Variants in PDIA4 observed in about 807,000 individuals in gnomAD.
PDIA4 encodes protein disulfide-isomerase A4.
In PDIA4, 33 loss-of-function variants were observed where a neutral mutation model predicts 62.1. The ratio of observed to expected loss-of-function variants is 0.53; its 90% CI spans 0.40 to 0.71. PDIA4 has a LOEUF of 0.71. PDIA4 is among the 30% of genes least tolerant of loss of function. The pLI is 0.00. For missense variants in PDIA4, 804 were observed against 813.6 expected, an observed-to-expected ratio of 0.99 and a Z score of 0.14; for synonymous variants, 341 against 324.1, an observed-to-expected ratio of 1.05 and a Z score of -0.56.
chr7:149,015,492 C>CA (rs34656815), intron 3 of PDIA4, among the ~76,000 whole-genome samples: 18,693 of 104,206 alleles, frequency 0.18, 1,489 homozygotes, highest in Middle Eastern at 0.26. Context: ...AAGATGTATG[C>CA]AAAAAAAAAA....
At chr7:149,007,504 C>T (rs571642261) in intron 7 of PDIA4, among the ~76,000 whole-genome samples, 1 of 152,300 alleles carries the variant, frequency 6.6e-6, no homozygotes, top group South Asian at 2.1e-4. Flanking sequence ...GCTTCAAACT[C>T]GACATCTAAG....
intron 1 of PDIA4, among the ~76,000 whole-genome samples, chr7:149,022,514 C>T (rs191848871): frequency 2.6e-5 from 4 of 152,320 alleles, no homozygotes; most frequent in Non-Finnish European, 4.4e-5. Context: ...GCAAGCACGG[C>T]AATTTCATTA....
At position 149,013,604 on chromosome 7, in the gene PDIA4, T is replaced by C. The variant is rs569571773; in HGVS notation, c.615-1244A>G. On this transcript the variant is annotated intron_variant, in intron 4 of 9. Coordinates refer to ENST00000652332, the MANE Select transcript of PDIA4 (RefSeq NM_004911.5). ...AGGCAGCACAATTGAGCCCAGGAGTTCAAGGCGTAGTGAACTATGATGGTG... is the reference window on the plus strand; with the variant it reads ...AGGCAGCACAATTGAGCCCAGGAGTCCAAGGCGTAGTGAACTATGATGGTG... 9.9e-5 allele frequency among the ~76,000 whole-genome samples: 15 copies of C among 152,116 alleles called. 1 individual carries two copies. The South Asian group carries it at 3.1e-3, about 32-fold the overall frequency.
chr7:149,020,123 C>T lies in PDIA4; in HGVS notation c.269+844G>A, dbSNP rs142778368. Among the ~76,000 whole-genome samples the T allele has an allele frequency of 2.7e-3, 416 of 152,168 alleles. 2 individuals are homozygous for T. The highest frequency in any genetic ancestry group is 9.6e-3 in the African/African-American group (398 of 41,526). On this transcript the variant is annotated intron_variant, in intron 2 of 9. Transcript: ENST00000652332. Reference sequence around the variant, plus strand: ...CTACAGGTGCGTGCCAACCACCATGCCTAATTTTTGTATTTTTAGTAGAGA... The same window carrying T: ...CTACAGGTGCGTGCCAACCACCATGTCTAATTTTTGTATTTTTAGTAGAGA...
In PDIA4 at chr7:149,011,999, C is replaced by T. The variant is rs148084821; in HGVS notation, c.826G>A (p.Val276Ile). 107 of 1,591,338 alleles carry T rather than the reference C, an allele frequency of 6.7e-5. 1 individual carries two copies. Among genetic ancestry groups the T allele is most frequent in the African/African-American group, 1.7e-4 (13 of 74,292 alleles). Reference protein sequence around the residue: ...YNGPREKYGIVDYMIEQSGPP... With the variant: ...YNGPREKYGIIDYMIEQSGPP... Reference sequence around the variant, plus strand: ...CCGGACTGCTCGATCATGTAATCAACGATTCCTGGGAGCAGGGCACACGCC... The same window carrying T: ...CCGGACTGCTCGATCATGTAATCAATGATTCCTGGGAGCAGGGCACACGCC... Residue 276 changes from valine (V) to isoleucine (I), a missense_variant, in exon 6 of 10, where the codon GTT (valine) becomes ATT (isoleucine). Coordinates refer to ENST00000652332, the MANE Select transcript of PDIA4 (RefSeq NM_004911.5).
chr7:149,025,085 A>AATAT (rs869119727), intron 1 of PDIA4, among the ~76,000 whole-genome samples: 5 of 22,356 alleles, frequency 2.2e-4, no homozygotes, highest in East Asian at 5.0e-4. Context: ...AAAAAAAAAA[A>AATAT]ATATATATAT....
In PDIA4 at chr7:149,005,031, A is replaced by C. The variant is rs138854389; in HGVS notation, c.1522+110T>G. 2.1e-4 allele frequency: 164 copies of C among 797,966 alleles called. No individual in the cohort carries two copies. In the East Asian group the frequency reaches 3.7e-3, roughly 18 times the overall value. The allele number at this position is 797,966 out of a possible 1,614,324, so 49.4% of individuals were successfully genotyped here. A position where few individuals can be genotyped will look rare whatever the true frequency, so the allele number is the denominator to read the frequency against. On this transcript the variant is annotated intron_variant, in intron 9 of 9. Transcript: ENST00000652332. The stretch of plus-strand genomic sequence containing the variant: ...GTGAGAGAGGACTGCTGGCTGACTT[A>C]AGGGGGTGTCGTGCCCGTGGCCAGA...
intron 1 of PDIA4, among the ~76,000 whole-genome samples, chr7:149,022,235 TC>T (rs1199200199): frequency 6.6e-6 from 1 of 152,156 alleles, no homozygotes; most frequent in East Asian, 1.9e-4. Flanking sequence ...GCGGGAAATC[TC>T]ATTTTACTTA....
At chr7:149,007,603 G>C (rs998468105) in intron 7 of PDIA4, among the ~76,000 whole-genome samples, 2 of 152,240 alleles carry the variant, frequency 1.3e-5, no homozygotes, top group African/African-American at 2.4e-5. Context: ...TTCCCCTTGG[G>C]CTGGGAACTC....
chr7:149,004,251 A>G (rs1433510718), intron 9 of PDIA4, 42 bp from the exon 10 acceptor site: 2 of 1,567,704 alleles, frequency 1.3e-6, no homozygotes, highest in African/African-American at 2.7e-5. Context: ...CAGTGCTGCA[A>G]AGGCCAAAGA....
In PDIA4 at chr7:149,019,178, A is replaced by G; in HGVS notation, c.289T>C (p.Phe97Leu). 6.2e-7 allele frequency: 1 copy of G among 1,613,396 alleles called. No homozygotes were observed. Residue 97 changes from phenylalanine (F) to leucine (L), a missense_variant, in exon 3 of 10, where the codon TTT becomes CTT. Phe to Leu is a conservative substitution (Grantham distance 22). Transcript: ENST00000652332. ...GCAATTTTTTCATATTCCGGAGCAAACTGCTTGCAATGTCCACACCTAACA... is the reference window on the plus strand; with the variant it reads ...GCAATTTTTTCATATTCCGGAGCAAGCTGCTTGCAATGTCCACACCTAACA... Reference protein sequence around the residue: ...YAPWCGHCKQFAPEYEKIANI... With the variant: ...YAPWCGHCKQLAPEYEKIANI...
chr7:149,016,336 T>G (rs1251310211), intron 3 of PDIA4, among the ~76,000 whole-genome samples: 4 of 152,204 alleles, frequency 2.6e-5, no homozygotes, highest in Admixed American at 2.0e-4. Flanking sequence ...TTGTTTTAGA[T>G]TAAGTTCTTT....
At position 149,005,976 on chromosome 7, in the gene PDIA4, T is replaced by C. The variant is rs1055327129; in HGVS notation, c.1209A>G (p.Ser403=). 2 of 1,543,390 alleles carry C rather than the reference T, an allele frequency of 1.3e-6. No individual in the cohort carries two copies. The highest frequency in any genetic ancestry group is 8.7e-7 in the Non-Finnish European group (1 of 1,154,976). ...ALPLVGHRKV[S]NDAKRYTRRP... ...GCCTGGTGTAGCGCTTAGCATCGTT[T>C]GACACCTTGCGGTGGCCAACCAGGG... Residue 403 remains serine, a synonymous_variant, in exon 8 of 10, where the codon TCA becomes TCG. Coordinates refer to ENST00000652332, the MANE Select transcript of PDIA4 (RefSeq NM_004911.5).
In PDIA4 at chr7:149,003,694, T is replaced by C. The variant is rs1585408677; in HGVS notation, c.*100A>G. 3.0e-6 allele frequency: 2 copies of C among 677,494 alleles called. No individual in the cohort carries two copies. The highest frequency in any genetic ancestry group is 1.9e-5 in the African/African-American group (1 of 53,656). 42.0% of individuals were successfully genotyped at this position (677,494 alleles called of 1,614,324 possible). A position where few individuals can be genotyped will look rare whatever the true frequency, so the allele number is the denominator to read the frequency against. On this transcript the variant is annotated 3_prime_UTR_variant, in exon 10 of 10. Transcript: ENST00000652332. ...AAAATTAAAAAAAAAAAAAAAGGAA[T>C]CCGAGATACTGTCGTTTGTTGCCGG... is the stretch of plus-strand genomic sequence containing the variant.
intron 4 of PDIA4, among the ~76,000 whole-genome samples, chr7:149,014,657 A>G (rs968349741): frequency 5.3e-5 from 8 of 151,970 alleles, no homozygotes; most frequent in Admixed American, 3.3e-4. Flanking sequence ...TCTTTCTGCC[A>G]TCTTCTTTCC....
At chr7:149,004,454 T>C (rs912027856) in intron 9 of PDIA4, among the ~76,000 whole-genome samples, 1 of 152,166 alleles carries the variant, frequency 6.6e-6, no homozygotes, top group African/African-American at 2.4e-5. Flanking sequence ...AGAGAGGCCA[T>C]CACAAGAGTC....
chr7:149,016,125 T>C (rs1420060779), intron 3 of PDIA4, among the ~76,000 whole-genome samples: 6 of 152,126 alleles, frequency 3.9e-5, no homozygotes, highest in Admixed American at 3.9e-4. Context: ...TGAAACCCTG[T>C]CTCTACTAAA....
chr7:149,022,798 G>A (rs1426370301), intron 1 of PDIA4, among the ~76,000 whole-genome samples: 1 of 152,148 alleles, frequency 6.6e-6, no homozygotes, highest in Non-Finnish European at 1.5e-5. Context: ...TTGGGTCTGT[G>A]CCGGGCAGGG....
intron 7 of PDIA4, among the ~76,000 whole-genome samples, chr7:149,007,578 T>C (rs1039728981): frequency 2.0e-5 from 3 of 152,258 alleles, no homozygotes; most frequent in African/African-American, 7.2e-5. Context: ...CTCAGAAGGC[T>C]GAACTGGCCC....
Sources: allele counts gnomAD v4.1 joint callset (sites outside exome capture counted in the v4.1 genomes callset), GRCh38; gene constraint gnomAD v4.1.1; transcripts MANE v1.5; gene names NCBI Gene and HGNC (gene_info 2026-07-23, HGNC 2026-07-21).